The following OTOR variants were observed in gnomAD, a reference collection of about 807,000 sequenced individuals.
OTOR encodes otoraplin.
OTOR carries 20 observed loss-of-function variants against 15.9 expected under a neutral mutation model. The ratio of observed to expected loss-of-function variants is 1.26; its 90% CI spans 0.89 to 1.83. OTOR has a LOEUF of 1.83. OTOR is among the 40% of genes most tolerant of loss of function. OTOR has a pLI of 0.00. For synonymous variants in OTOR, 53 were observed against 54.2 expected (o/e 0.98, Z 0.09); for missense variants, 184 against 159.0 (o/e 1.16, Z -0.85).
Position 16,748,932 on chromosome 20 carries a change from A to G in OTOR, c.181A>G (p.Lys61Glu). The G allele has an allele frequency of 1.2e-6, 2 of 1,610,994 alleles. No homozygotes were observed. Among genetic ancestry groups the G allele is most frequent in the Non-Finnish European group, 1.7e-6 (2 of 1,178,254 alleles). ...NAPDCRFINVKKGQQIYVYSK... is the reference protein window; with the variant it reads ...NAPDCRFINVEKGQQIYVYSK... The stretch of plus-strand genomic sequence containing the variant: ...CCCGGACTGTAGATTCATTAACGTT[A>G]AAAAAGGGCAGCAGATCTATGTGTA... The change falls in exon 2 of 4, where the codon AAA (lysine) becomes GAA (glutamate). Residue 61 changes from lysine to glutamate, a missense_variant. By Grantham distance (56) the Lys-to-Glu change is moderately conservative. Transcript: ENST00000246081.
rs1413277935 is a variant in OTOR, at chr20:16,748,929, G to A, written c.178G>A (p.Val60Ile). 3.1e-6 allele frequency: 5 copies of A among 1,611,632 alleles called. No individual in the cohort carries two copies. Among genetic ancestry groups the A allele is most frequent in the Admixed American group, 3.4e-5 (2 of 59,664 alleles). ...YNAPDCRFINVKKGQQIYVYS... is the reference protein window; with the variant it reads ...YNAPDCRFINIKKGQQIYVYS... Reference sequence around the variant, plus strand: ...TGCCCCGGACTGTAGATTCATTAACGTTAAAAAAGGGCAGCAGATCTATGT... The same window carrying A: ...TGCCCCGGACTGTAGATTCATTAACATTAAAAAAGGGCAGCAGATCTATGT... The change falls in exon 2 of 4, where the codon GTT becomes ATT. Residue 60 changes from valine (V) to isoleucine (I), a missense_variant. Physicochemically the swap from Val to Ile is conservative, Grantham distance 29. Transcript: ENST00000246081.
intron 1 of OTOR, 109 bp downstream of exon 1, chr20:16,748,625 T>G: frequency 2.6e-6 from 2 of 755,898 alleles, no homozygotes; most frequent in Non-Finnish European, 4.4e-6. Flanking sequence ...CTCCAATGTG[T>G]ATGTTATCAG....
chr20:16,751,149 A>G lies in OTOR; in HGVS notation c.*31A>G. 6.9e-7 allele frequency: 1 copy of G among 1,459,050 alleles called. No individual in the cohort carries two copies. Among genetic ancestry groups the G allele is most frequent in the Non-Finnish European group, 9.3e-7 (1 of 1,073,584 alleles). 90.4% of individuals were successfully genotyped at this position (1,459,050 alleles called of 1,614,324 possible). A position where few individuals can be genotyped will look rare whatever the true frequency, so the allele number is the denominator to read the frequency against. ...TAGTTAAAACTGCAAATAGAAAGAA[A>G]ACACCAAAAATAAAGAAAAGAGCAA... On this transcript the variant is annotated 3_prime_UTR_variant, in exon 4 of 4. Coordinates refer to ENST00000246081, the MANE Select transcript of OTOR (RefSeq NM_020157.4).
At position 16,749,841 on chromosome 20, in the gene OTOR, G is replaced by A. The variant is rs938320180; in HGVS notation, c.256-62G>A. ...CACTATCAGCAAAGAGGACGCCTGC[G>A]AGTTTCTCAGAAGACACTCAGCATC... is the stretch of plus-strand genomic sequence containing the variant. On this transcript the variant is annotated intron_variant, in intron 2 of 3. Transcript: ENST00000246081. 44 of 1,123,750 alleles carry A rather than the reference G, an allele frequency of 3.9e-5. No individual in the cohort carries two copies. In the African/African-American group the frequency reaches 5.7e-4, roughly 14 times the overall value. The allele number at this position is 1,123,750 out of a possible 1,614,324, so 69.6% of individuals were successfully genotyped here.
Position 16,748,623 on chromosome 20 carries a change from T to C in OTOR, c.115+107T>C, listed in dbSNP as rs2072507734. The C allele has an allele frequency of 3.9e-6, 3 of 762,454 alleles. No homozygotes were observed. The East Asian group carries it at 7.5e-5, about 19-fold the overall frequency. The allele number at this position is 762,454 out of a possible 1,614,324, so 47.2% of individuals were successfully genotyped here. A position where few individuals can be genotyped will look rare whatever the true frequency, so the allele number is the denominator to read the frequency against. ...ACTTTGAAGTGAATCTTCTCCAATG[T>C]GTATGTTATCAGCTTTGTTTCTTCT... On this transcript the variant is annotated intron_variant, in intron 1 of 3. Coordinates refer to ENST00000246081, the MANE Select transcript of OTOR (RefSeq NM_020157.4).
rs1456053232 is a variant in OTOR at position 16,748,415 on chromosome 20, T to G, written c.14T>G (p.Leu5Trp). The change falls in exon 1 of 4, where the codon TTG (leucine) becomes TGG (tryptophan). Residue 5 changes from leucine to tryptophan, a missense_variant. Coordinates refer to ENST00000246081, the MANE Select transcript of OTOR (RefSeq NM_020157.4). The stretch of plus-strand genomic sequence containing the variant: ...GAAAAAAGGAAGATGGCAAGAATAT[T>G]GTTACTTTTCCTCCCGGGTCTTGTG... MARI[L>W]LLFLPGLVAV... 6.2e-7 allele frequency: 1 copy of G among 1,610,970 alleles called. No homozygotes were observed. The highest frequency in any genetic ancestry group is 1.7e-5 in the Admixed American group (1 of 59,998).
intron 2 of OTOR, chr20:16,749,687 A>C (rs908112561): frequency 9.8e-6 from 5 of 509,934 alleles, no homozygotes; most frequent in Non-Finnish European, 1.7e-5. Context: ...GTAGCGAAAT[A>C]AGACTGGGCC....
At position 16,751,256 on chromosome 20, in the gene OTOR, G is replaced by GCT; in HGVS notation, c.*138_*139insCT. 1 of 605,662 alleles carries GCT rather than the reference G, an allele frequency of 1.7e-6. No individual in the cohort carries two copies. 37.5% of individuals were successfully genotyped at this position (605,662 alleles called of 1,614,324 possible). A position where few individuals can be genotyped will look rare whatever the true frequency, so the allele number is the denominator to read the frequency against. ...CCTTACAGAAGAGCAAGGGCTTAGG[G>GCT]GTTGGAGGTGGCAGATAAAAGAGGA... On this transcript the variant is annotated 3_prime_UTR_variant, in exon 4 of 4. Transcript: ENST00000246081.
intron 2 of OTOR, chr20:16,749,660 A>C: frequency 4.3e-6 from 2 of 464,218 alleles, no homozygotes; most frequent in Non-Finnish European, 7.6e-6. Context: ...GATTGCGTAA[A>C]ATAAAGTCAT....
At position 16,748,983 on chromosome 20, in the gene OTOR, G is replaced by A. The variant is rs1253347289; in HGVS notation, c.232G>A (p.Ala78Thr). Residue 78 changes from alanine to threonine, a missense_variant, in exon 2 of 4, where the codon GCT becomes ACT. Transcript: ENST00000246081. Reference sequence around the variant, plus strand: ...CTCAAAGCTGGTAAAAGAAAATGGAGCTGGAGAATTTTGGGCTGGCAGTGT... The same window carrying A: ...CTCAAAGCTGGTAAAAGAAAATGGAACTGGAGAATTTTGGGCTGGCAGTGT... ...VYSKLVKENG[A>T]GEFWAGSVYG... 11 of 1,599,900 alleles carry A rather than the reference G, an allele frequency of 6.9e-6. No individual in the cohort carries two copies. The highest frequency in any genetic ancestry group is 1.8e-5 in the Admixed American group (1 of 56,788).
At position 16,750,239 on chromosome 20, in the gene OTOR, A is replaced by G. The variant is rs770463641; in HGVS notation, c.363+229A>G. 2.8e-4 allele frequency among the ~76,000 whole-genome samples: 42 copies of G among 152,192 alleles called. 1 individual carries two copies. Among genetic ancestry groups the G allele is most frequent in the Non-Finnish European group, 5.0e-4 (34 of 68,028 alleles). On this transcript the variant is annotated intron_variant, in intron 3 of 3. Coordinates refer to ENST00000246081, the MANE Select transcript of OTOR (RefSeq NM_020157.4). ...CCCTTTTGTTTTATTTCAGTTTACT[A>G]CTTTTTGTCTCATCTTTTTTCTATA...
At position 16,751,421 on chromosome 20, in the gene OTOR, A is replaced by G. The variant is rs566233489; in HGVS notation, c.*303A>G. ...AATCTCCTCTTACAGGGGGATGCATATAACAGATCATGTATGTGTAGTTAT... is the reference window on the plus strand; with the variant it reads ...AATCTCCTCTTACAGGGGGATGCATGTAACAGATCATGTATGTGTAGTTAT... On this transcript the variant is annotated 3_prime_UTR_variant, in exon 4 of 4. Transcript: ENST00000246081. 2.4e-5 allele frequency: 8 copies of G among 338,430 alleles called. No homozygotes were observed. In the South Asian group the frequency reaches 3.8e-4, roughly 16 times the overall value. 21.0% of individuals were successfully genotyped at this position (338,430 alleles called of 1,614,324 possible).
chr20:16,749,948 C>T lies in OTOR; in HGVS notation c.301C>T (p.Pro101Ser). 1 of 1,613,744 alleles carries T rather than the reference C, an allele frequency of 6.2e-7. No homozygotes were observed. Among genetic ancestry groups the T allele is most frequent in the Non-Finnish European group, 8.5e-7 (1 of 1,179,828 alleles). ...CGAGATGGGAGTCGTGGGTTATTTC[C>T]CCAGGAACTTGGTCAAGGAACAGCG... The part of the protein sequence containing the change: ...QDEMGVVGYF[P>S]RNLVKEQRVY... Residue 101 changes from proline (P) to serine (S), a missense_variant, in exon 3 of 4, where the codon CCC becomes TCC. Coordinates refer to ENST00000246081, the MANE Select transcript of OTOR (RefSeq NM_020157.4).
intron 3 of OTOR, 79 bp from the exon 4 acceptor site, chr20:16,751,016 C>T (rs1164826683): frequency 1.8e-6 from 2 of 1,110,672 alleles, no homozygotes; most frequent in East Asian, 2.7e-5. Context: ...TTAGATATGA[C>T]TTTAAATACA....
Position 16,751,653 on chromosome 20 carries a change from G to A in OTOR, c.*535G>A, listed in dbSNP as rs2072529853. 1.3e-5 allele frequency: 2 copies of A among 152,182 alleles called. No homozygotes were observed. Among genetic ancestry groups the A allele is most frequent in the South Asian group, 4.1e-4 (2 of 4,824 alleles). The allele number at this position is 152,182 out of a possible 1,614,324, so 9.4% of individuals were successfully genotyped here. A position where few individuals can be genotyped will look rare whatever the true frequency, so the allele number is the denominator to read the frequency against. On this transcript the variant is annotated 3_prime_UTR_variant, in exon 4 of 4. Transcript: ENST00000246081. Reference sequence around the variant, plus strand: ...CCTTTTGGAGGTAAAGCTGTTGGGGGAAGAAGAGTTTTTGGACCCATAGAT... The same window carrying A: ...CCTTTTGGAGGTAAAGCTGTTGGGGAAAGAAGAGTTTTTGGACCCATAGAT...
intron 2 of OTOR, chr20:16,749,236 A>T (rs995944759): frequency 2.8e-6 from 1 of 357,668 alleles, no homozygotes; most frequent in Non-Finnish European, 4.9e-6. Context: ...AAAAGAGTCA[A>T]ATACATGGGG....
intron 1 of OTOR, 53 bp from the exon 2 acceptor site, chr20:16,748,814 G>C (rs926795230): frequency 1.6e-5 from 23 of 1,394,188 alleles, no homozygotes; most frequent in Non-Finnish European, 1.7e-5. Flanking sequence ...GCCTTTTACT[G>C]TTATAAAATT....
At chr20:16,748,591 G>T (rs553605893) in intron 1 of OTOR, 75 bp downstream of exon 1, 60 of 924,522 alleles carry the variant, frequency 6.5e-5, no homozygotes, top group Non-Finnish European at 9.2e-5. Flanking sequence ...GCATAAAATC[G>T]AATTATACTT....
chr20:16,748,773 C>T (rs959438777), intron 1 of OTOR, 94 bp from the exon 2 acceptor site: 1 of 953,896 alleles, frequency 1.0e-6, no homozygotes. Context: ...TTATCAGTCA[C>T]TCTGATTTTC....
Sources: gnomAD v4.1 joint callset for allele counts (sites outside exome capture counted in the v4.1 genomes callset) on GRCh38, gnomAD v4.1.1 for gene constraint, MANE v1.5 for transcripts, NCBI Gene and HGNC (gene_info 2026-07-23, HGNC 2026-07-21) for gene names.